Variants in HCN1 observed in about 807,000 individuals in gnomAD.
HCN1 encodes hyperpolarization activated cyclic nucleotide gated potassium channel 1.
HCN1 carries 13 observed loss-of-function variants against 78.9 expected under a neutral mutation model. The observed-to-expected ratio is 0.16, with a 90% CI of 0.11 to 0.26. The LOEUF (loss-of-function observed/expected upper bound fraction) is 0.26, where lower values mean the gene tolerates loss of function less well. HCN1 is among the 10% of genes least tolerant of loss of function. The pLI, the probability that HCN1 is intolerant of heterozygous loss-of-function variation, is 1.00. For missense variants in HCN1, 810 were observed against 1,154.3 expected (o/e 0.70, Z 4.32); for synonymous variants, 552 against 455.5 (o/e 1.21, Z -2.70).
At chr5:45,515,937 T>A (rs923690981) in intron 2 of HCN1, among the ~76,000 whole-genome samples, 8 of 151,880 alleles carry the variant, frequency 5.3e-5, no homozygotes, top group Non-Finnish European at 1.2e-4. Flanking sequence ...CAGGAAAAAA[T>A]ACAAAACTGT....
chr5:45,661,174 G>A (rs1745928522), intron 1 of HCN1, among the ~76,000 whole-genome samples: 1 of 142,326 alleles, frequency 7.0e-6, no homozygotes, highest in Non-Finnish European at 1.5e-5. Flanking sequence ...TCAACTACAT[G>A]GAAACTGAAC....
rs958646308 is a variant in HCN1 at position 45,464,605 on chromosome 5, T to C, written c.850-2598A>G. Reference sequence around the variant, plus strand: ...GTTAATAGCAGAGGCAAATTTCAACTAGTCAAACCCATATATCTTCATCTT... The same window carrying C: ...GTTAATAGCAGAGGCAAATTTCAACCAGTCAAACCCATATATCTTCATCTT... On this transcript the variant is annotated intron_variant, in intron 2 of 7. Coordinates refer to ENST00000303230, the MANE Select transcript of HCN1 (RefSeq NM_021072.4). Among the ~76,000 whole-genome samples the C allele has an allele frequency of 2.6e-5, 4 of 152,200 alleles. No individual in the cohort carries two copies. In the East Asian group the frequency reaches 7.7e-4, roughly 29 times the overall value.
At chr5:45,665,463 A>G (rs969544822) in intron 1 of HCN1, among the ~76,000 whole-genome samples, 1 of 152,074 alleles carries the variant, frequency 6.6e-6, no homozygotes, top group African/African-American at 2.4e-5. Flanking sequence ...ATAAAATAAA[A>G]AAAAGATATG....
rs756753787 is a variant in HCN1 at position 45,262,013 on chromosome 5, G to C, written c.2581C>G (p.Pro861Ala). The C allele has an allele frequency of 6.2e-6, 10 of 1,613,992 alleles. No individual in the cohort carries two copies. The highest frequency in any genetic ancestry group is 8.5e-6 in the Non-Finnish European group (10 of 1,180,030). ...CTTGGAAGAGCAGCTGCTGGTGGAG[G>C]GGGTGCTGGAGGGACTCCTCGGTTC... ...PPNRGVPPAP[P>A]PPAAALPRES... is the part of the protein sequence containing the mutation. Residue 861 changes from proline to alanine, a missense_variant, in exon 8 of 8, where the codon CCT becomes GCT. Around this residue, in one of 6 missense-constraint regions of HCN1, gnomAD observed 398 missense variants for 381.3 expected, o/e 1.04. Transcript: ENST00000303230.
intron 4 of HCN1, among the ~76,000 whole-genome samples, chr5:45,381,710 C>T (rs1336311495): frequency 6.6e-6 from 1 of 152,022 alleles, no homozygotes; most frequent in East Asian, 1.9e-4. Flanking sequence ...CCAGACCTTC[C>T]CACTCCTTGC....
intron 7 of HCN1, among the ~76,000 whole-genome samples, chr5:45,264,032 A>G (rs1390376294): frequency 2.6e-5 from 4 of 152,142 alleles, no homozygotes; most frequent in African/African-American, 9.7e-5. Context: ...TGACCTTGTG[A>G]TCCACCCGCC....
chr5:45,609,228 C>T (rs1237658202), intron 2 of HCN1, among the ~76,000 whole-genome samples: 1 of 151,914 alleles, frequency 6.6e-6, no homozygotes, highest in African/African-American at 2.4e-5. Context: ...AGGTATACTC[C>T]CTAGAGAAAA....
chr5:45,648,348 T>C (rs542062013), intron 1 of HCN1, among the ~76,000 whole-genome samples: 1 of 152,298 alleles, frequency 6.6e-6, no homozygotes, highest in South Asian at 2.1e-4. Context: ...ATAATGCTTA[T>C]CACACTATAG....
intron 4 of HCN1, among the ~76,000 whole-genome samples, chr5:45,372,609 C>T (rs1278914165): frequency 4.1e-5 from 4 of 96,898 alleles, no homozygotes; most frequent in Admixed American, 1.1e-4. Context: ...ATATATAAAA[C>T]ATTTTATATA....
At chr5:45,353,710 A>T (rs1171651357) in intron 4 of HCN1, among the ~76,000 whole-genome samples, 1 of 152,034 alleles carries the variant, frequency 6.6e-6, no homozygotes, top group African/African-American at 2.4e-5. Flanking sequence ...TTTGGAATCG[A>T]CAGGCAGGGA....
chr5:45,374,802 A>ATG (rs1747567266), intron 4 of HCN1, among the ~76,000 whole-genome samples: 1 of 147,946 alleles, frequency 6.8e-6, no homozygotes, highest in Admixed American at 7.0e-5. Context: ...ATATATATAT[A>ATG]TAAAACCATA....
chr5:45,322,984 G>A (rs1425149541), intron 5 of HCN1, among the ~76,000 whole-genome samples: 3 of 151,844 alleles, frequency 2.0e-5, no homozygotes, highest in Non-Finnish European at 4.4e-5. Flanking sequence ...AACACGGCTA[G>A]TGTGAGGGAG....
At chr5:45,540,748 C>T (rs2625496) in intron 2 of HCN1, among the ~76,000 whole-genome samples, 1 of 151,968 alleles carries the variant, frequency 6.6e-6, no homozygotes, top group South Asian at 2.1e-4. Flanking sequence ...ATTTTATTTA[C>T]TTTTTTCTAA....
intron 2 of HCN1, among the ~76,000 whole-genome samples, chr5:45,510,572 ATT>A (rs1742394026): frequency 6.6e-6 from 1 of 152,064 alleles, no homozygotes; most frequent in Non-Finnish European, 1.5e-5. Context: ...CTGGAGTGTA[ATT>A]TGACAGGAAA....
At position 45,672,791 on chromosome 5, in the gene HCN1, C is replaced by G. The variant is rs116971189; in HGVS notation, c.425+22878G>C. Among the ~76,000 whole-genome samples the G allele has an allele frequency of 4.6e-5, 7 of 151,300 alleles. No homozygotes were observed. In the East Asian group the frequency reaches 1.4e-3, roughly 29 times the overall value. The stretch of plus-strand genomic sequence containing the variant: ...TTAATTAATTCTGCCCTGAGTCTTT[C>G]GCTGCTAAAAGGTTGTTTTATCTTT... On this transcript the variant is annotated intron_variant, in intron 1 of 7. Transcript: ENST00000303230.
chr5:45,313,207 C>T (rs553271544), intron 5 of HCN1, among the ~76,000 whole-genome samples: 62 of 152,256 alleles, frequency 4.1e-4, no homozygotes, highest in African/African-American at 1.4e-3. Flanking sequence ...TTGCTGTTCA[C>T]CAATATTCGA....
rs1462108612 is a variant in HCN1 at position 45,261,754 on chromosome 5, T to C, written c.*167A>G. The C allele has an allele frequency of 3.3e-5, 23 of 694,846 alleles. No individual in the cohort carries two copies. The East Asian group carries it at 4.7e-4, about 14-fold the overall frequency. 43.0% of individuals were successfully genotyped at this position (694,846 alleles called of 1,614,324 possible). On this transcript the variant is annotated 3_prime_UTR_variant, in exon 8 of 8. Transcript: ENST00000303230. The stretch of plus-strand genomic sequence containing the variant: ...CTCTTGGGAATTTAGATATATATTT[T>C]ATAGTATATGTATATATATTTTTAC...
At chr5:45,630,335 A>C (rs1024555109) in intron 2 of HCN1, among the ~76,000 whole-genome samples, 2 of 152,190 alleles carry the variant, frequency 1.3e-5, no homozygotes, top group African/African-American at 4.8e-5. Flanking sequence ...GCTGTGCAAT[A>C]TGGGGAAATT....
At chr5:45,347,524 T>C (rs1746772722) in intron 5 of HCN1, among the ~76,000 whole-genome samples, 2 of 152,188 alleles carry the variant, frequency 1.3e-5, no homozygotes, top group African/African-American at 2.4e-5. Flanking sequence ...AGAATGACTT[T>C]GATGAGTTGA....
Sources: gnomAD v4.1 joint callset for allele counts (sites outside exome capture counted in the v4.1 genomes callset) on GRCh38, gnomAD v4.1.1 for gene constraint, gnomAD v4.1.1 regional missense constraint, MANE v1.5 for transcripts, NCBI Gene and HGNC (gene_info 2026-07-23, HGNC 2026-07-21) for gene names.